INSC: variants seen among roughly 807,000 people sequenced by gnomAD.
The protein encoded by INSC is protein inscuteable homolog.
In INSC, 67 loss-of-function variants were observed where a neutral mutation model predicts 58.6. The ratio of observed to expected loss-of-function variants is 1.14; its 90% CI spans 0.94 to 1.40. The LOEUF is 1.40. Ranked by LOEUF, INSC falls within the 40% of genes most tolerant of loss-of-function variation. The pLI, the probability that INSC is intolerant of heterozygous loss-of-function variation, is 0.00. For missense variants in INSC, 714 were observed against 692.0 expected, an observed-to-expected ratio of 1.03 and a Z score of -0.36; for synonymous variants, 262 against 276.1, an observed-to-expected ratio of 0.95 and a Z score of 0.51.
intron 6 of INSC, among the ~76,000 whole-genome samples, chr11:15,193,193 A>G (rs771658450): frequency 6.6e-6 from 1 of 152,250 alleles, no homozygotes; most frequent in Non-Finnish European, 1.5e-5. Flanking sequence ...TACTTAAGTA[A>G]AAGATTATAG....
intron 7 of INSC, 40 bp downstream of exon 7, chr11:15,200,989 C>A: frequency 6.4e-7 from 1 of 1,563,324 alleles, no homozygotes; most frequent in Non-Finnish European, 8.7e-7. Flanking sequence ...GGTCCTCAAG[C>A]CAGGTAGGGG....
intron 11 of INSC, among the ~76,000 whole-genome samples, chr11:15,240,204 G>A (rs1852290564): frequency 3.3e-5 from 5 of 152,266 alleles, no homozygotes; most frequent in East Asian, 1.9e-4. Flanking sequence ...TAGGAATTTT[G>A]TCTGGTAAAG....
chr11:15,124,689 C>T (rs994761208), intron 1 of INSC, among the ~76,000 whole-genome samples: 6 of 152,114 alleles, frequency 3.9e-5, no homozygotes, highest in South Asian at 2.1e-4. Flanking sequence ...AGAAGCTGTT[C>T]TTTCAGTTCT....
At chr11:15,165,959 G>C (rs1540161) in intron 2 of INSC, among the ~76,000 whole-genome samples, 63,117 of 151,896 alleles carry the variant, frequency 0.42, 14,226 homozygotes, top group East Asian at 0.86. Flanking sequence ...TGGGATGAGA[G>C]TGAAGTTGGG....
At chr11:15,151,775 T>G (rs1441980525) in intron 2 of INSC, among the ~76,000 whole-genome samples, 1 of 152,152 alleles carries the variant, frequency 6.6e-6, no homozygotes, top group Non-Finnish European at 1.5e-5. Flanking sequence ...GGTTTAACTT[T>G]CTTTATGGGA....
chr11:15,198,458 A>G (rs538850452), intron 6 of INSC, among the ~76,000 whole-genome samples: 6 of 152,174 alleles, frequency 3.9e-5, no homozygotes, highest in Admixed American at 6.5e-5. Flanking sequence ...TGCTGGGCTC[A>G]GTGCCTCCTG....
At chr11:15,169,362 G>A (rs759738290) in intron 2 of INSC, among the ~76,000 whole-genome samples, 3 of 152,134 alleles carry the variant, frequency 2.0e-5, no homozygotes, top group Non-Finnish European at 4.4e-5. Flanking sequence ...ACTGGTGACC[G>A]CTTTTCTTTC....
At chr11:15,223,683 T>G (rs1456851963) in intron 8 of INSC, among the ~76,000 whole-genome samples, 4 of 152,162 alleles carry the variant, frequency 2.6e-5, no homozygotes, top group Admixed American at 6.5e-5. Flanking sequence ...GCCACTGAGC[T>G]CTGCAGACTC....
the INSC span, among the ~76,000 whole-genome samples, chr11:15,262,230 A>G: frequency 2.6e-5 from 4 of 152,136 alleles, no homozygotes; most frequent in African/African-American, 9.7e-5. Flanking sequence ...ACACACATTG[A>G]AAACAATGGA....
rs751334675 is a variant in INSC, at chr11:15,240,440, C to T, written c.1394-7C>T. 3.7e-6 allele frequency: 6 copies of T among 1,613,288 alleles called. No homozygotes were observed. Among genetic ancestry groups the T allele is most frequent in the African/African-American group, 1.3e-5 (1 of 75,028 alleles). On this transcript the variant is annotated splice_polypyrimidine_tract_variant and splice_region_variant and intron_variant, in intron 11 of 12. Coordinates refer to ENST00000379556, the MANE Select transcript of INSC (RefSeq NM_001042536.3). The stretch of plus-strand genomic sequence containing the variant: ...TGGGCCTGAGGCTCTCCCTGTGTCT[C>T]CTACAGGCATGTCCCGTCTCATCGA...
intron 2 of INSC, among the ~76,000 whole-genome samples, chr11:15,169,701 C>T (rs1010329247): frequency 6.6e-6 from 1 of 150,490 alleles, no homozygotes; most frequent in African/African-American, 2.5e-5. Flanking sequence ...GTCACCACAC[C>T]CAGCTAATTT....
intron 1 of INSC, among the ~76,000 whole-genome samples, chr11:15,120,353 A>G (rs2133683901): frequency 6.6e-6 from 1 of 152,308 alleles, no homozygotes; most frequent in Admixed American, 6.5e-5. Context: ...GTAAACAAAT[A>G]AAGGCCTGTC....
At chr11:15,152,598 G>C (rs1023154057) in intron 2 of INSC, among the ~76,000 whole-genome samples, 1 of 152,156 alleles carries the variant, frequency 6.6e-6, no homozygotes, top group African/African-American at 2.4e-5. Context: ...TGCTTCAGAG[G>C]AACTCTCCAG....
At chr11:15,121,541 A>T (rs1312606690) in intron 1 of INSC, among the ~76,000 whole-genome samples, 1 of 152,228 alleles carries the variant, frequency 6.6e-6, no homozygotes, top group East Asian at 1.9e-4. Flanking sequence ...TTGCTTAAGA[A>T]TAATGTCTGC....
chr11:15,233,805 A>T (rs1852018103), intron 9 of INSC, among the ~76,000 whole-genome samples: 1 of 151,846 alleles, frequency 6.6e-6, no homozygotes, highest in Admixed American at 6.6e-5. Flanking sequence ...CAGCCTGGTG[A>T]TGGTGGGATG....
chr11:15,161,233 T>C (rs1164961377), intron 2 of INSC, among the ~76,000 whole-genome samples: 1 of 152,144 alleles, frequency 6.6e-6, no homozygotes, highest in Non-Finnish European at 1.5e-5. Context: ...TCAAGGTGGG[T>C]TGGTGGGTCT....
At chr11:15,242,947 C>G (rs187579534) in intron 12 of INSC, among the ~76,000 whole-genome samples, 36 of 152,334 alleles carry the variant, frequency 2.4e-4, no homozygotes, top group Non-Finnish European at 2.9e-5. Context: ...AAGCCATGCT[C>G]TTTCTCTCCC....
intron 7 of INSC, among the ~76,000 whole-genome samples, chr11:15,207,397 G>A (rs1012200696): frequency 2.6e-5 from 4 of 152,188 alleles, no homozygotes; most frequent in Non-Finnish European, 4.4e-5. Context: ...AATTAAAGAT[G>A]AGGGGAGAGC....
At chr11:15,260,338 T>C in the INSC span, among the ~76,000 whole-genome samples, 1 of 152,200 alleles carries the variant, frequency 6.6e-6, no homozygotes, top group Non-Finnish European at 1.5e-5. Context: ...AGAAGCACTC[T>C]TACGATGAAA....
Sources: allele counts gnomAD v4.1 joint callset (sites outside exome capture counted in the v4.1 genomes callset), GRCh38; gene constraint gnomAD v4.1.1; transcripts MANE v1.5; gene names NCBI Gene and HGNC (gene_info 2026-07-23, HGNC 2026-07-21).